Variants in EIF4G3 observed in about 807,000 individuals in gnomAD.
EIF4G3 encodes the protein eIF-4-gamma 3.
A neutral mutation model predicts 186.4 loss-of-function variants in EIF4G3; 34 were observed. The ratio of observed to expected loss-of-function variants is 0.18; its 90% CI spans 0.14 to 0.24. EIF4G3 has a LOEUF of 0.24. Ranked by LOEUF, EIF4G3 falls within the 10% of genes least tolerant of loss-of-function variation. EIF4G3 has a pLI of 1.00. For missense variants in EIF4G3, 1,536 were observed against 1,948.5 expected (o/e 0.79, Z 3.99); for synonymous variants, 673 against 679.5 (o/e 0.99, Z 0.15).
At chr1:20,958,914 T>C (rs1466955054) in intron 12 of EIF4G3, among the ~76,000 whole-genome samples, 1 of 151,924 alleles carries the variant, frequency 6.6e-6, no homozygotes, top group African/African-American at 2.4e-5. Context: ...CACAAACAAA[T>C]GGAAATGCAT....
At chr1:20,920,696 ACT>A (rs1380580736) in intron 14 of EIF4G3, among the ~76,000 whole-genome samples, 2 of 151,946 alleles carry the variant, frequency 1.3e-5, no homozygotes, top group Non-Finnish European at 2.9e-5. Context: ...TTCTCACTGT[ACT>A]CTGTTTCATC....
Position 20,941,900 on chromosome 1 carries a change from A to G in EIF4G3, c.1254T>C (p.Val418=). The G allele has an allele frequency of 6.2e-7, 1 of 1,614,196 alleles. No individual in the cohort carries two copies. The highest frequency in any genetic ancestry group is 8.5e-7 in the Non-Finnish European group (1 of 1,180,034). Residue 418 remains valine, a synonymous_variant, in exon 14 of 37, where the codon GTT becomes GTC. Transcript: ENST00000602326. The part of the protein sequence containing the change: ...STNLINEING[V]SEKLSATESI... ...TCTCCGTGGCTGATAATTTTTCGCTAACTCCATTTATTTCATTAATTAGGT... is the reference window on the plus strand; with the variant it reads ...TCTCCGTGGCTGATAATTTTTCGCTGACTCCATTTATTTCATTAATTAGGT...
chr1:21,090,886 G>A (rs1572394945), intron 2 of EIF4G3, among the ~76,000 whole-genome samples: 1 of 152,130 alleles, frequency 6.6e-6, no homozygotes, highest in Middle Eastern at 3.4e-3. Flanking sequence ...ACTAATATCA[G>A]GAGATAAAAA....
At chr1:21,166,123 C>CTTTTTTTTTTTTTTTTTTTTT (rs1573668577) in intron 2 of EIF4G3, among the ~76,000 whole-genome samples, 10 of 105,632 alleles carry the variant, frequency 9.5e-5, no homozygotes, top group South Asian at 6.0e-4. Context: ...CTTTTTTTTC[C>CTTTTTTTTTTTTTTTTTTTTT]TTTTAAAAAT....
intron 24 of EIF4G3, among the ~76,000 whole-genome samples, chr1:20,858,242 C>T (rs1469655831): frequency 6.6e-6 from 1 of 152,170 alleles, no homozygotes; most frequent in Non-Finnish European, 1.5e-5. Flanking sequence ...AGATTCCTTA[C>T]AAATGGCCTC....
At chr1:21,137,105 G>A (rs545334867) in intron 2 of EIF4G3, among the ~76,000 whole-genome samples, 37 of 150,336 alleles carry the variant, frequency 2.5e-4, no homozygotes, top group African/African-American at 8.8e-4. Context: ...AATTACATGG[G>A]TGGCTCATAT....
intron 14 of EIF4G3, among the ~76,000 whole-genome samples, chr1:20,920,455 C>T (rs1209696508): frequency 6.6e-6 from 1 of 152,080 alleles, no homozygotes; most frequent in Non-Finnish European, 1.5e-5. Context: ...ATTATTATCA[C>T]ATTATGACTG....
At chr1:21,129,824 G>T (rs2097121239) in intron 2 of EIF4G3, among the ~76,000 whole-genome samples, 1 of 151,896 alleles carries the variant, frequency 6.6e-6, no homozygotes, top group Non-Finnish European at 1.5e-5. Context: ...CAAGGGCAAG[G>T]GGTGAGAAAT....
intron 3 of EIF4G3, among the ~76,000 whole-genome samples, chr1:21,071,213 T>C (rs1572071726): frequency 6.6e-6 from 1 of 152,130 alleles, no homozygotes; most frequent in Non-Finnish European, 1.5e-5. Context: ...TAGACCAGCC[T>C]GGGCAACATA....
chr1:20,829,092 T>G, intron 31 of EIF4G3, 55 bp downstream of exon 31: 120 of 1,578,300 alleles, frequency 7.6e-5, no homozygotes, highest in Non-Finnish European at 9.7e-5. Flanking sequence ...AGCTAGCAAG[T>G]GAGTTATTAG....
At chr1:21,121,635 C>T (rs1233847931) in intron 2 of EIF4G3, among the ~76,000 whole-genome samples, 3 of 151,964 alleles carry the variant, frequency 2.0e-5, no homozygotes, top group African/African-American at 4.8e-5. Flanking sequence ...ATCAGCCAGG[C>T]GTGGTGGTGC....
intron 3 of EIF4G3, among the ~76,000 whole-genome samples, chr1:21,060,189 G>A (rs2094816042): frequency 6.6e-6 from 1 of 152,166 alleles, no homozygotes; most frequent in Admixed American, 6.5e-5. Context: ...GGCTCAAGGG[G>A]TCCGCCTGCC....
At chr1:21,059,106 A>C (rs1236806997) in intron 3 of EIF4G3, among the ~76,000 whole-genome samples, 1 of 152,182 alleles carries the variant, frequency 6.6e-6, no homozygotes, top group Non-Finnish European at 1.5e-5. Flanking sequence ...TTCAGCAACA[A>C]ATGATTCCTA....
At chr1:20,907,899 G>A (rs1441569643) in intron 14 of EIF4G3, among the ~76,000 whole-genome samples, 5 of 152,068 alleles carry the variant, frequency 3.3e-5, no homozygotes, top group Admixed American at 2.0e-4. Flanking sequence ...AATCCTTTGG[G>A]TATATACCCA....
chr1:21,018,383 C>T (rs2089818814), intron 4 of EIF4G3, among the ~76,000 whole-genome samples: 1 of 151,988 alleles, frequency 6.6e-6, no homozygotes, highest in African/African-American at 2.4e-5. Flanking sequence ...AGTTCAAGAC[C>T]AGCCTGGCCA....
At chr1:20,817,733 T>C (rs1021576655) in intron 33 of EIF4G3, among the ~76,000 whole-genome samples, 195 bp from the exon 34 acceptor site, 3 of 145,524 alleles carry the variant, frequency 2.1e-5, no homozygotes, top group Non-Finnish European at 3.0e-5. Context: ...TCATCCAGGC[T>C]GGAGTAGTTT....
chr1:21,011,563 C>G (rs1180380887), intron 4 of EIF4G3, among the ~76,000 whole-genome samples: 2 of 152,140 alleles, frequency 1.3e-5, no homozygotes, highest in African/African-American at 4.8e-5. Context: ...GCAATTTTAT[C>G]ACATGTATAA....
At chr1:20,989,977 G>A (rs1159375592) in intron 7 of EIF4G3, among the ~76,000 whole-genome samples, 1 of 152,120 alleles carries the variant, frequency 6.6e-6, no homozygotes, top group Admixed American at 6.5e-5. Flanking sequence ...AGGAGTTTAA[G>A]ACCACTCTGG....
chr1:20,891,255 G>A (rs1188917954), intron 18 of EIF4G3, among the ~76,000 whole-genome samples: 2 of 152,198 alleles, frequency 1.3e-5, no homozygotes, highest in African/African-American at 4.8e-5. Context: ...CAAGCTGTTA[G>A]TGAAAAGTGA....
Sources: allele counts gnomAD v4.1 joint callset (sites outside exome capture counted in the v4.1 genomes callset), GRCh38; gene constraint gnomAD v4.1.1; transcripts MANE v1.5; gene names NCBI Gene and HGNC (gene_info 2026-07-23, HGNC 2026-07-21).